The following TSPAN19 variants were observed in gnomAD, a reference collection of about 807,000 sequenced individuals.
The protein encoded by TSPAN19 is tetraspanin-19.
TSPAN19 carries 44 observed loss-of-function variants against 35.1 expected under a neutral mutation model. That is an observed-to-expected ratio of 1.25 (90% CI 0.98 to 1.61). TSPAN19 has a LOEUF of 1.61. Ranked by LOEUF, TSPAN19 falls within the 40% of genes most tolerant of loss-of-function variation. TSPAN19 has a pLI of 0.00. For synonymous variants in TSPAN19, 79 were observed against 92.0 expected, an observed-to-expected ratio of 0.86 and a Z score of 0.81; for missense variants, 290 against 280.0, an observed-to-expected ratio of 1.04 and a Z score of -0.26.
chr12:85,016,863 A>C (rs909482452), intron 7 of TSPAN19: 1 of 151,784 alleles, frequency 6.6e-6, no homozygotes, highest in East Asian at 1.9e-4. Context: ...TGTTCCATTT[A>C]TTTATGAATT....
intron 1 of TSPAN19, 148 bp from the exon 2 acceptor site, chr12:85,030,121 G>A (rs766309339): frequency 4.6e-6 from 3 of 649,788 alleles, no homozygotes; most frequent in East Asian, 4.2e-5. Flanking sequence ...ATTTATTGAA[G>A]GTATCTTGAA....
intron 1 of TSPAN19, among the ~76,000 whole-genome samples, chr12:85,030,872 C>A (rs1381630241): frequency 6.6e-6 from 1 of 152,014 alleles, no homozygotes; most frequent in East Asian, 1.9e-4. Context: ...TCTCTTCTCA[C>A]TGTTTTAATT....
At chr12:85,029,604 C>T (rs1877585076) in intron 3 of TSPAN19, 115 bp downstream of exon 3, 2 of 871,392 alleles carry the variant, frequency 2.3e-6, no homozygotes, top group Non-Finnish European at 1.8e-6. Flanking sequence ...AGAAGGAATG[C>T]TGGACACTTA....
At chr12:85,022,788 G>C (rs998537660) in intron 5 of TSPAN19, among the ~76,000 whole-genome samples, 39 of 152,016 alleles carry the variant, frequency 2.6e-4, no homozygotes, top group African/African-American at 9.4e-4. Flanking sequence ...AAGTTTTGTT[G>C]ATCAAAAGTT....
intron 3 of TSPAN19, among the ~76,000 whole-genome samples, chr12:85,029,373 T>C (rs1877575136): frequency 6.6e-6 from 1 of 152,168 alleles, no homozygotes; most frequent in Admixed American, 6.6e-5. Flanking sequence ...ACAATATATA[T>C]AGTGATCAGA....
At chr12:85,018,105 T>C (rs923926683) in intron 6 of TSPAN19, among the ~76,000 whole-genome samples, 1 of 151,788 alleles carries the variant, frequency 6.6e-6, no homozygotes, top group Admixed American at 6.6e-5. Context: ...AGAACCAAAA[T>C]AAGATAATAA....
At chr12:85,032,097 T>A (rs1373563728) in intron 1 of TSPAN19, among the ~76,000 whole-genome samples, 2 of 152,014 alleles carry the variant, frequency 1.3e-5, no homozygotes, top group East Asian at 3.9e-4. Context: ...AGGAAAATGG[T>A]TTAGAAGAAA....
chr12:85,014,885 A>G (rs76642713), intron 8 of TSPAN19: 1 of 175,886 alleles, frequency 5.7e-6, no homozygotes, highest in African/African-American at 2.4e-5. Context: ...CTTTCTAACT[A>G]TGTCATTAAA....
At chr12:85,031,620 A>C (rs1877687257) in intron 1 of TSPAN19, among the ~76,000 whole-genome samples, 1 of 152,170 alleles carries the variant, frequency 6.6e-6, no homozygotes, top group African/African-American at 2.4e-5. Flanking sequence ...AGTTCAAAGT[A>C]GGTGATTGGT....
At chr12:85,034,102 G>T (rs1565771502) in intron 1 of TSPAN19, among the ~76,000 whole-genome samples, 1 of 152,002 alleles carries the variant, frequency 6.6e-6, no homozygotes. Flanking sequence ...GAATCTGAAG[G>T]CTTGAGACAC....
At position 85,015,758 on chromosome 12, in the gene TSPAN19, T is replaced by C. The variant is rs905804217; in HGVS notation, c.678+130A>G. Reference sequence around the variant, plus strand: ...GAATCACCTGTACAACTCTTGGATGTAAAGAGCCTCAAAGTCCTGGCTCTA... The same window carrying C: ...GAATCACCTGTACAACTCTTGGATGCAAAGAGCCTCAAAGTCCTGGCTCTA... On this transcript the variant is annotated intron_variant, in intron 8 of 8. Coordinates refer to ENST00000532498, the MANE Select transcript of TSPAN19 (RefSeq NM_001100917.2). 10 of 617,358 alleles carry C rather than the reference T, an allele frequency of 1.6e-5. No individual in the cohort carries two copies. In the African/African-American group the frequency reaches 2.0e-4, roughly 12 times the overall value. 38.2% of individuals were successfully genotyped at this position (617,358 alleles called of 1,614,324 possible).
intron 5 of TSPAN19, among the ~76,000 whole-genome samples, chr12:85,022,642 C>T (rs1323608061): frequency 2.0e-5 from 3 of 152,050 alleles, no homozygotes; most frequent in African/African-American, 4.8e-5. Context: ...TAACCATATT[C>T]ATATCTGTAT....
At chr12:85,030,591 C>T (rs1455793713) in intron 1 of TSPAN19, among the ~76,000 whole-genome samples, 1 of 151,870 alleles carries the variant, frequency 6.6e-6, no homozygotes, top group African/African-American at 2.4e-5. Context: ...CCATTGTAAC[C>T]TCCAGGTTTA....
Position 85,017,460 on chromosome 12 carries a change from A to C in TSPAN19, c.590T>G (p.Leu197Arg), listed in dbSNP as rs767362143. The stretch of plus-strand genomic sequence containing the variant: ...GAAGCCTAGATTTATCTTTACCTCA[A>C]GGTAAGTTGCATTCAGTGGCTCATC... ...FCDEPLNATY[L>R]EGCENKISAW... Residue 197 changes from leucine (L) to arginine (R), a missense_variant, in exon 7 of 9, where the codon CTT (leucine) becomes CGT (arginine). Coordinates refer to ENST00000532498, the MANE Select transcript of TSPAN19 (RefSeq NM_001100917.2). The C allele has an allele frequency of 6.8e-6, 11 of 1,607,172 alleles. No individual in the cohort carries two copies. Among genetic ancestry groups the C allele is most frequent in the Middle Eastern group, 1.7e-4 (1 of 6,028 alleles).
At chr12:85,015,239 T>A (rs953504088) in intron 8 of TSPAN19, 1 of 151,972 alleles carries the variant, frequency 6.6e-6, no homozygotes, top group Non-Finnish European at 1.5e-5. Flanking sequence ...ATCCATAGCC[T>A]GCACTTATTC....
chr12:85,016,683 T>G (rs1409065232), intron 7 of TSPAN19: 1 of 151,938 alleles, frequency 6.6e-6, no homozygotes, highest in Non-Finnish European at 1.5e-5. Flanking sequence ...CAGAACAGTG[T>G]GCAATTGAAA....
At chr12:85,028,075 G>T in intron 3 of TSPAN19, 52 bp from the exon 4 acceptor site, 1 of 1,377,000 alleles carries the variant, frequency 7.3e-7, no homozygotes, top group Non-Finnish European at 9.8e-7. Flanking sequence ...ATATGAAGTG[G>T]TATTTTATTT....
At position 85,016,049 on chromosome 12, in the gene TSPAN19, T is replaced by C. The variant is rs1876776271; in HGVS notation, c.595-78A>G. 27 of 908,830 alleles carry C rather than the reference T, an allele frequency of 3.0e-5. No homozygotes were observed. The South Asian group carries it at 4.0e-4, about 14-fold the overall frequency. The allele number at this position is 908,830 out of a possible 1,614,324, so 56.3% of individuals were successfully genotyped here. The stretch of plus-strand genomic sequence containing the variant: ...ATAAATCTTTACAAAAAATAAAAGG[T>C]AAACAGAGATTAGTAATTTACCAAA... On this transcript the variant is annotated intron_variant, in intron 7 of 8. Coordinates refer to ENST00000532498, the MANE Select transcript of TSPAN19 (RefSeq NM_001100917.2).
At chr12:85,015,665 A>AT (rs1876754415) in intron 8 of TSPAN19, 1 of 412,430 alleles carries the variant, frequency 2.4e-6, no homozygotes, top group African/African-American at 2.1e-5. Context: ...GGTACTATAC[A>AT]TAGTAATAAA....
Sources: allele counts gnomAD v4.1 joint callset (sites outside exome capture counted in the v4.1 genomes callset), GRCh38; gene constraint gnomAD v4.1.1; transcripts MANE v1.5; gene names NCBI Gene and HGNC (gene_info 2026-07-23, HGNC 2026-07-21).